Variants in TEX2 observed in about 807,000 individuals in gnomAD.
TEX2 encodes testis expressed 2.
In TEX2, 53 loss-of-function variants were observed where a neutral mutation model predicts 106.9. That is an observed-to-expected ratio of 0.50 (90% CI 0.40 to 0.62). The LOEUF (loss-of-function observed/expected upper bound fraction) is 0.62, where lower values mean the gene tolerates loss of function less well. TEX2 is among the 20% of genes least tolerant of loss of function. The probability of loss-of-function intolerance (pLI) is 0.00; values close to 1 mark genes in which losing one functional copy is unlikely to be tolerated. For synonymous variants in TEX2, 523 were observed against 534.8 expected (o/e 0.98, Z 0.30); for missense variants, 1,207 against 1,379.0 (o/e 0.88, Z 1.98).
intron 8 of TEX2, among the ~76,000 whole-genome samples, chr17:64,158,004 CA>C (rs570115619): frequency 6.2e-4 from 94 of 152,348 alleles, no homozygotes; most frequent in African/African-American, 2.1e-3. Flanking sequence ...TGGCCCTCTG[CA>C]GGGCAGTTCC....
At chr17:64,176,397 C>A (rs967805671) in intron 6 of TEX2, among the ~76,000 whole-genome samples, 1 of 152,104 alleles carries the variant, frequency 6.6e-6, no homozygotes, top group Non-Finnish European at 1.5e-5. Flanking sequence ...AAATAATGGG[C>A]AAAATTTTGT....
chr17:64,166,643 G>C (rs1243185903), intron 7 of TEX2, among the ~76,000 whole-genome samples: 1 of 152,218 alleles, frequency 6.6e-6, no homozygotes, highest in African/African-American at 2.4e-5. Context: ...AAAAAGATTT[G>C]GAGAGCATAT....
intron 1 of TEX2, among the ~76,000 whole-genome samples, chr17:64,222,844 G>A (rs2143212366): frequency 6.6e-6 from 1 of 152,122 alleles, no homozygotes; most frequent in East Asian, 1.9e-4. Flanking sequence ...GGTGGGGTGG[G>A]GGAGGCTATT....
rs370358513 is a variant in TEX2 at position 64,195,048 on chromosome 17, C to T, written c.1692G>A (p.Ala564=). ...IYNYDPETYH[A]TLTHSVFVRL... ...GAACAAAGACTGAATGTGTCAAAGTCGCATGGTAGGTTTCTGGATCATAGT... is the reference window on the plus strand; with the variant it reads ...GAACAAAGACTGAATGTGTCAAAGTTGCATGGTAGGTTTCTGGATCATAGT... Residue 564 remains alanine (A), a synonymous_variant, in exon 3 of 12, where the codon GCG becomes GCA. Coordinates refer to ENST00000584379, the MANE Select transcript of TEX2 (RefSeq NM_001288732.2). This position sits in a 1 kb window ranked among gnomAD's most constrained non-coding sequence, Gnocchi z 4.1. 4.3e-6 allele frequency: 7 copies of T among 1,613,990 alleles called. No individual in the cohort carries two copies. The highest frequency in any genetic ancestry group is 2.7e-5 in the African/African-American group (2 of 74,898).
chr17:64,206,927 C>T (rs527903599), intron 2 of TEX2, among the ~76,000 whole-genome samples: 6 of 152,220 alleles, frequency 3.9e-5, no homozygotes, highest in African/African-American at 7.2e-5. Flanking sequence ...CGGGAGACGG[C>T]GGAGTACCAT....
At chr17:64,192,017 A>G (rs2032320900) in intron 4 of TEX2, among the ~76,000 whole-genome samples, 1 of 152,198 alleles carries the variant, frequency 6.6e-6, no homozygotes, top group African/African-American at 2.4e-5. Context: ...TTATACTTAG[A>G]GCACACCTCC....
At chr17:64,239,184 G>A (rs1555635461) in intron 1 of TEX2, 1 of 152,210 alleles carries the variant, frequency 6.6e-6, no homozygotes, top group East Asian at 1.9e-4. Flanking sequence ...AAGGGACGAA[G>A]CTGCCATTTC....
intron 6 of TEX2, among the ~76,000 whole-genome samples, chr17:64,175,843 C>T (rs981706534): frequency 6.6e-6 from 1 of 152,232 alleles, no homozygotes; most frequent in Non-Finnish European, 1.5e-5. Context: ...TGCAGCCCTG[C>T]TGCTCAGGGA....
chr17:64,262,131 A>G (rs2034297922), intron 1 of TEX2, among the ~76,000 whole-genome samples: 5 of 152,226 alleles, frequency 3.3e-5, no homozygotes. Flanking sequence ...GCATGTGCAG[A>G]GCGGTGATGG....
chr17:64,178,818 T>C (rs1485449209), intron 5 of TEX2, among the ~76,000 whole-genome samples: 1 of 152,266 alleles, frequency 6.6e-6, no homozygotes, highest in Non-Finnish European at 1.5e-5. Flanking sequence ...CGCTTTGTGC[T>C]TGTGCATTCG....
At chr17:64,170,622 CTTTTTTTTTTTT>C (rs71156002) in intron 7 of TEX2, among the ~76,000 whole-genome samples, 6 of 73,742 alleles carry the variant, frequency 8.1e-5, no homozygotes, top group Non-Finnish European at 1.2e-4. Flanking sequence ...TATTCCAAAT[CTTTTTTTTTTTT>C]TTTTTTTTTT....
At chr17:64,242,810 G>A (rs1360383723) in intron 1 of TEX2, among the ~76,000 whole-genome samples, 4 of 152,056 alleles carry the variant, frequency 2.6e-5, no homozygotes, top group Non-Finnish European at 5.9e-5. Context: ...ATTTGGCCAG[G>A]TGCAGGGGCT....
chr17:64,149,420 A>G (rs1216719747), intron 11 of TEX2: 2 of 218,878 alleles, frequency 9.1e-6, no homozygotes, highest in East Asian at 2.6e-4. Context: ...AGTAGTTCCC[A>G]GTTACTATGT....
intron 3 of TEX2, among the ~76,000 whole-genome samples, chr17:64,194,156 C>A (rs1398259542): frequency 1.3e-5 from 2 of 151,930 alleles, no homozygotes; most frequent in Non-Finnish European, 2.9e-5. Context: ...GGCAGTAGCA[C>A]AATAATAATG....
intron 7 of TEX2, among the ~76,000 whole-genome samples, chr17:64,162,664 G>A (rs1469715124): frequency 6.6e-6 from 1 of 152,186 alleles, no homozygotes; most frequent in Non-Finnish European, 1.5e-5. Flanking sequence ...CAAATGATGT[G>A]TGGTCCAGCG....
chr17:64,152,885 G>T, intron 10 of TEX2, 60 bp downstream of exon 10: 1 of 1,540,390 alleles, frequency 6.5e-7, no homozygotes, highest in South Asian at 1.2e-5. Context: ...AGCAGGCTGG[G>T]ATTTCTGTGG....
intron 5 of TEX2, among the ~76,000 whole-genome samples, chr17:64,184,381 C>T (rs373088140): frequency 4.6e-5 from 7 of 152,120 alleles, no homozygotes; most frequent in Admixed American, 3.3e-4. Context: ...AGATTATAGG[C>T]GTGAGCCACT....
rs2143733058 is a variant in TEX2 at position 64,171,148 on chromosome 17, C to A, written c.2623G>T (p.Ala875Ser). 1 of 1,614,064 alleles carries A rather than the reference C, an allele frequency of 6.2e-7. No individual in the cohort carries two copies. The highest frequency in any genetic ancestry group is 2.2e-5 in the East Asian group (1 of 44,844). ...AAGGCCTGGAGGATTTTTGGCACAG[C>A]CACGCCCATGTCAAGTTCCGTCAGA... ...LTLTELDMGV[A>S]VPKILQAFKP... The change falls in exon 7 of 12, where the codon GCT (alanine) becomes TCT (serine). Residue 875 changes from alanine (A) to serine (S), a missense_variant. Around this residue, in one of 3 missense-constraint regions of TEX2, gnomAD observed 1,067 missense variants for 1,193.6 expected, o/e 0.89. Coordinates refer to ENST00000584379, the MANE Select transcript of TEX2 (RefSeq NM_001288732.2).
intron 5 of TEX2, among the ~76,000 whole-genome samples, chr17:64,187,607 AC>A (rs2143853835): frequency 6.6e-6 from 1 of 150,510 alleles, no homozygotes; most frequent in South Asian, 2.1e-4. Flanking sequence ...CCTGCTCAAA[AC>A]CCTCCCATGG....
Sources: allele counts gnomAD v4.1 joint callset (sites outside exome capture counted in the v4.1 genomes callset), GRCh38; gene constraint gnomAD v4.1.1; regional missense constraint gnomAD v4.1.1; non-coding constraint Gnocchi (gnomAD v3.1); transcripts MANE v1.5; gene names NCBI Gene and HGNC (gene_info 2026-07-23, HGNC 2026-07-21).